The following SENP7 variants were observed in gnomAD, a reference collection of about 807,000 sequenced individuals.
SENP7 encodes SUMO specific peptidase 7.
In SENP7, 64 loss-of-function variants were observed where a neutral mutation model predicts 141.2. The ratio of observed to expected loss-of-function variants is 0.45; its 90% CI spans 0.37 to 0.56. SENP7 has a LOEUF of 0.56. SENP7 is among the 20% of genes least tolerant of loss of function. The probability of loss-of-function intolerance (pLI) is 0.00; values close to 1 mark genes in which losing one functional copy is unlikely to be tolerated. For missense variants in SENP7, 1,025 were observed against 1,212.2 expected (o/e 0.85, Z 2.29); for synonymous variants, 382 against 426.4 (o/e 0.90, Z 1.28).
At chr3:101,492,513 T>A (rs2065007021) in intron 3 of SENP7, among the ~76,000 whole-genome samples, 1 of 152,234 alleles carries the variant, frequency 6.6e-6, no homozygotes, top group Non-Finnish European at 1.5e-5. Context: ...AATTCATATG[T>A]TGAAGCCCCA....
intron 4 of SENP7, among the ~76,000 whole-genome samples, chr3:101,430,468 T>C (rs576763712): frequency 6.6e-6 from 1 of 152,366 alleles, no homozygotes; most frequent in South Asian, 2.1e-4. Context: ...TTCTAGTTTA[T>C]TTGCATAGAA....
intron 6 of SENP7, among the ~76,000 whole-genome samples, chr3:101,372,422 G>C (rs1344745584): frequency 6.6e-6 from 1 of 152,050 alleles, no homozygotes; most frequent in Non-Finnish European, 1.5e-5. Context: ...ATTAAATTAG[G>C]TTTAAAAAGT....
At chr3:101,391,895 A>C (rs1177247768) in intron 6 of SENP7, among the ~76,000 whole-genome samples, 1 of 152,218 alleles carries the variant, frequency 6.6e-6, no homozygotes, top group Admixed American at 6.5e-5. Flanking sequence ...ATCAAGTGAG[A>C]TTTATCTCAG....
At chr3:101,347,193 G>C (rs2059485535) in intron 13 of SENP7, 1 of 151,892 alleles carries the variant, frequency 6.6e-6, no homozygotes, top group Admixed American at 6.6e-5. Flanking sequence ...CTGTACTGTA[G>C]CCCAGGCAAC....
At chr3:101,367,757 A>G (rs1287462197) in intron 8 of SENP7, 73 bp downstream of exon 8, 13 of 939,682 alleles carry the variant, frequency 1.4e-5, no homozygotes, top group Non-Finnish European at 1.9e-5. Flanking sequence ...GAGGAACATT[A>G]TTTGGCCACA....
Position 101,328,627 on chromosome 3 carries a change from T to G in SENP7, c.2795+19A>C. On this transcript the variant is annotated intron_variant, in intron 21 of 23. Transcript: ENST00000394095. ...TAAATACCTCAAAAAACTGTATTAT[T>G]ATTACAGCATGTACCTACCTTTTAC... 6.2e-7 allele frequency: 1 copy of G among 1,605,378 alleles called. No individual in the cohort carries two copies. The highest frequency in any genetic ancestry group is 8.5e-7 in the Non-Finnish European group (1 of 1,173,208).
Position 101,366,450 on chromosome 3 carries a change from G to A in SENP7, c.1298C>T (p.Ser433Leu), listed in dbSNP as rs1231655892. The A allele has an allele frequency of 5.0e-6, 8 of 1,606,382 alleles. No individual in the cohort carries two copies. The East Asian group carries it at 1.8e-4, about 36-fold the overall frequency. ...CTTACTTGGTTCAGCTGAGATCAGT[G>A]ATTGGTTCCCTTCATTATGTCCTCT... ...ILRGHNEGNQ[S>L]LISAEPIVVS... The change falls in exon 9 of 24, where the codon TCA becomes TTA. Residue 433 changes from serine (S) to leucine (L), a missense_variant. Around this residue, in one of 4 missense-constraint regions of SENP7, gnomAD observed 496 missense variants for 503.5 expected, o/e 0.99. Transcript: ENST00000394095.
chr3:101,479,299 A>T (rs2064348987), intron 3 of SENP7, among the ~76,000 whole-genome samples: 1 of 152,166 alleles, frequency 6.6e-6, no homozygotes, highest in African/African-American at 2.4e-5. Flanking sequence ...ATTTAGAAAA[A>T]CCTAAAAACT....
At chr3:101,327,105 C>G in intron 23 of SENP7, among the ~76,000 whole-genome samples, 1 of 151,874 alleles carries the variant, frequency 6.6e-6, no homozygotes, top group Non-Finnish European at 1.5e-5. Flanking sequence ...ACCTATTAAT[C>G]AAATCATTTT....
chr3:101,387,141 A>G (rs1348146941), intron 6 of SENP7, among the ~76,000 whole-genome samples: 1 of 152,094 alleles, frequency 6.6e-6, no homozygotes, highest in Non-Finnish European at 1.5e-5. Context: ...GCCCTACCCA[A>G]TGCAGCCGGT....
chr3:101,337,530 G>T lies in SENP7; in HGVS notation c.2459C>A (p.Thr820Lys). ...TTACGAAAGATTTGGATTATCTTCT[G>T]TTAAATTATTTTCCTTTCTTGTCAA... is the stretch of plus-strand genomic sequence containing the variant. ...KCLTRKENNLTEDNPNLSMAQ... is the reference protein window; with the variant it reads ...KCLTRKENNLKEDNPNLSMAQ... The change falls in exon 17 of 24, where the codon ACA (threonine) becomes AAA (lysine). Residue 820 changes from threonine (T) to lysine (K), a missense_variant. Coordinates refer to ENST00000394095, the MANE Select transcript of SENP7 (RefSeq NM_020654.5). 1 of 1,547,234 alleles carries T rather than the reference G, an allele frequency of 6.5e-7. No homozygotes were observed. The highest frequency in any genetic ancestry group is 1.7e-4 in the Middle Eastern group (1 of 5,908).
At chr3:101,451,901 T>C (rs2063152587) in intron 4 of SENP7, among the ~76,000 whole-genome samples, 1 of 152,152 alleles carries the variant, frequency 6.6e-6, no homozygotes. Flanking sequence ...GGTATTCAAT[T>C]AGGAAATGAG....
intron 4 of SENP7, among the ~76,000 whole-genome samples, chr3:101,452,976 G>A (rs563086133): frequency 2.6e-4 from 39 of 152,102 alleles, no homozygotes; most frequent in African/African-American, 9.2e-4. Flanking sequence ...TCTGACAGAG[G>A]GCTAATATCC....
At chr3:101,344,706 C>T (rs1046266584) in intron 13 of SENP7, among the ~76,000 whole-genome samples, 4 of 151,986 alleles carry the variant, frequency 2.6e-5, no homozygotes, top group South Asian at 2.1e-4. Flanking sequence ...AGTATTCAAC[C>T]GAATCTTAAA....
chr3:101,509,164 A>G (rs2065748176), intron 1 of SENP7, among the ~76,000 whole-genome samples: 1 of 151,634 alleles, frequency 6.6e-6, no homozygotes, highest in African/African-American at 2.4e-5. Flanking sequence ...CCCACTCCCT[A>G]CCAACCTGAT....
chr3:101,445,691 A>AAT (rs941766561), intron 4 of SENP7, among the ~76,000 whole-genome samples: 14 of 152,256 alleles, frequency 9.2e-5, no homozygotes, highest in Admixed American at 1.3e-4. Context: ...AGGGATAAAA[A>AAT]ATATATATAT....
At chr3:101,404,782 T>A (rs1392861072) in intron 5 of SENP7, among the ~76,000 whole-genome samples, 1 of 152,154 alleles carries the variant, frequency 6.6e-6, no homozygotes, top group African/African-American at 2.4e-5. Flanking sequence ...ACAGACACGT[T>A]TCTAAAGAAG....
chr3:101,357,007 C>T (rs558092659), intron 11 of SENP7, among the ~76,000 whole-genome samples: 1 of 147,292 alleles, frequency 6.8e-6, no homozygotes, highest in Non-Finnish European at 1.5e-5. Flanking sequence ...TATGAACATT[C>T]TTTTTTTTTT....
At chr3:101,343,064 A>C (rs1447966008) in intron 14 of SENP7, among the ~76,000 whole-genome samples, 1 of 152,198 alleles carries the variant, frequency 6.6e-6, no homozygotes, top group Non-Finnish European at 1.5e-5. Context: ...ACTGGAAAGA[A>C]CACCACAGAA....
Sources: allele counts gnomAD v4.1 joint callset (sites outside exome capture counted in the v4.1 genomes callset), GRCh38; gene constraint gnomAD v4.1.1; regional missense constraint gnomAD v4.1.1; transcripts MANE v1.5; gene names NCBI Gene and HGNC (gene_info 2026-07-23, HGNC 2026-07-21).